Variants in NYAP2 observed in about 807,000 individuals in gnomAD.
The protein encoded by NYAP2 is neuronal tyrosine-phosphorylated phosphoinositide-3-kinase adaptor 2, also known as neuronal tyrosine-phosphorylated phosphoinositide-3-kinase adapter 2.
NYAP2 carries 23 observed loss-of-function variants against 50.4 expected under a neutral mutation model. The ratio of observed to expected loss-of-function variants is 0.46; its 90% CI spans 0.33 to 0.65. The LOEUF is 0.65. Ranked by LOEUF, NYAP2 falls within the 30% of genes least tolerant of loss-of-function variation. The pLI, the probability that NYAP2 is intolerant of heterozygous loss-of-function variation, is 0.02. For missense variants in NYAP2, 885 were observed against 861.0 expected, an observed-to-expected ratio of 1.03 and a Z score of -0.35; for synonymous variants, 394 against 365.2, an observed-to-expected ratio of 1.08 and a Z score of -0.90.
chr2:225,687,485 T>A, the NYAP2 span, among the ~76,000 whole-genome samples: 4 of 152,300 alleles, frequency 2.6e-5, no homozygotes, highest in Admixed American at 2.0e-4. Context: ...ATCAAAAATC[T>A]CAATATATGG....
chr2:225,696,996 C>G, the NYAP2 span, among the ~76,000 whole-genome samples: 10 of 152,040 alleles, frequency 6.6e-5, no homozygotes, highest in South Asian at 2.1e-3. Context: ...AATTATCACC[C>G]TAAAATTGTA....
intron 4 of NYAP2, among the ~76,000 whole-genome samples, chr2:225,560,217 C>A (rs1319369213): frequency 6.6e-6 from 1 of 151,850 alleles, no homozygotes; most frequent in Non-Finnish European, 1.5e-5. Context: ...AAATGTTGAC[C>A]ATTTTTTCTA....
exon 6 of NYAP2, chr2:225,626,964 C>T (rs367965236): frequency 1.7e-4 from 267 of 1,585,986 alleles, no homozygotes; most frequent in Non-Finnish European, 2.2e-4. Flanking sequence ...GGAGCCATTA[C>T]CAAAGTTGGA....
At chr2:225,620,125 A>AGAG (rs1693064355) in intron 5 of NYAP2, among the ~76,000 whole-genome samples, 1 of 152,226 alleles carries the variant, frequency 6.6e-6, no homozygotes, top group African/African-American at 2.4e-5. Context: ...TATGTTACTA[A>AGAG]AATCAATTTT....
rs1553554328 is a variant in NYAP2, at chr2:225,597,512, A to AATTATATATATATATATATATATATATAT, written c.1618+14479_1618+14480insTATATATATATATATATATATATATATAT. Among the ~76,000 whole-genome samples, 94 of 46,240 alleles carry AATTATATATATATATATATATATATATAT rather than the reference A, an allele frequency of 2.0e-3. 2 individuals are homozygous for AATTATATATATATATATATATATATATAT. Among genetic ancestry groups the AATTATATATATATATATATATATATATAT allele is most frequent in the African/African-American group, 5.3e-3 (90 of 17,086 alleles). 30.3% of individuals were successfully genotyped at this position (46,240 alleles called of 152,430 possible). On this transcript the variant is annotated intron_variant, in intron 5 of 6. Transcript: ENST00000636099. ...ATGGCTAAATAGTATTCCAAGGAGA[A>AATTATATATATATATATATATATATATAT]ATATATATATATATATATGTATCAC...
At chr2:225,474,129 GCA>G (rs1690060705) in intron 3 of NYAP2, among the ~76,000 whole-genome samples, 1 of 152,122 alleles carries the variant, frequency 6.6e-6, no homozygotes, top group East Asian at 1.9e-4. Context: ...TAGATGTGTG[GCA>G]TTATTTCTGA....
chr2:225,496,239 C>T (rs60740750), intron 3 of NYAP2, among the ~76,000 whole-genome samples: 3,223 of 152,010 alleles, frequency 0.021, 93 homozygotes, highest in African/African-American at 0.073. Flanking sequence ...ACTGAGGTTA[C>T]AGAGGGAGTG....
chr2:225,466,308 T>A (rs950899481), intron 3 of NYAP2, among the ~76,000 whole-genome samples: 2 of 152,242 alleles, frequency 1.3e-5, no homozygotes, highest in African/African-American at 4.8e-5. Context: ...TTGTTCATTT[T>A]CTGTGGGTGT....
intron 3 of NYAP2, among the ~76,000 whole-genome samples, chr2:225,413,988 A>T (rs1695086638): frequency 1.3e-5 from 2 of 152,298 alleles, no homozygotes; most frequent in African/African-American, 2.4e-5. Context: ...ATTTCGTATG[A>T]TTGACCTTCT....
At chr2:225,405,528 T>C in intron 2 of NYAP2, among the ~76,000 whole-genome samples, 1 of 152,030 alleles carries the variant, frequency 6.6e-6, no homozygotes, top group East Asian at 1.9e-4. Context: ...GGTGTAAATA[T>C]AAATTTCTGA....
Position 225,635,035 on chromosome 2 carries a change from T to C in NYAP2, c.1828+7909T>C, listed in dbSNP as rs114530791. On this transcript the variant is annotated intron_variant, in intron 6 of 6. Transcript: ENST00000636099. ...CTTCTAAAACATATTTCCCGTACTTTACTTGATAACACTGAAATGACTGGC... is the reference window on the plus strand; with the variant it reads ...CTTCTAAAACATATTTCCCGTACTTCACTTGATAACACTGAAATGACTGGC... Among the ~76,000 whole-genome samples, 463 of 152,332 alleles carry C rather than the reference T, an allele frequency of 3.0e-3. 2 individuals are homozygous for C. The highest frequency in any genetic ancestry group is 0.011 in the African/African-American group (448 of 41,578).
intron 3 of NYAP2, among the ~76,000 whole-genome samples, chr2:225,411,171 G>T (rs1695032719): frequency 6.6e-6 from 1 of 152,044 alleles, no homozygotes; most frequent in Admixed American, 6.6e-5. Context: ...AGATAATGTT[G>T]GTTTGCATTG....
the NYAP2 span, among the ~76,000 whole-genome samples, chr2:225,696,435 T>C: frequency 6.6e-6 from 1 of 151,944 alleles, no homozygotes; most frequent in Non-Finnish European, 1.5e-5. Context: ...ACCTTCATTA[T>C]CCTATTTAAA....
chr2:225,701,950 C>T, the NYAP2 span: 1 of 151,604 alleles, frequency 6.6e-6, no homozygotes, highest in Non-Finnish European at 1.5e-5. Flanking sequence ...AAAACTAAAG[C>T]CATTGGGTTA....
At chr2:225,437,965 ATC>A (rs368095590) in intron 3 of NYAP2, among the ~76,000 whole-genome samples, 1 of 151,466 alleles carries the variant, frequency 6.6e-6, no homozygotes, top group Non-Finnish European at 1.5e-5. Flanking sequence ...CCTAACAATG[ATC>A]TCTCTCTCTC....
chr2:225,487,152 C>T (rs1690314392), intron 3 of NYAP2, among the ~76,000 whole-genome samples: 2 of 152,196 alleles, frequency 1.3e-5, no homozygotes, highest in Non-Finnish European at 2.9e-5. Context: ...TTGGCATAGT[C>T]TCTGCTTTGC....
chr2:225,622,553 CTTTCT>C (rs1693131142), intron 5 of NYAP2, among the ~76,000 whole-genome samples: 1 of 40,756 alleles, frequency 2.5e-5, no homozygotes, highest in Non-Finnish European at 4.9e-5. Context: ...TTCTTTCTTT[CTTTCT>C]TTTTCTTTCT....
intron 3 of NYAP2, among the ~76,000 whole-genome samples, chr2:225,422,855 G>A (rs566956041): frequency 6.6e-6 from 1 of 152,162 alleles, no homozygotes; most frequent in East Asian, 1.9e-4. Context: ...AATCGTGAAC[G>A]ATTCTTTTTA....
intron 2 of NYAP2, among the ~76,000 whole-genome samples, chr2:225,404,906 G>C (rs1307780102): frequency 6.6e-6 from 1 of 151,988 alleles, no homozygotes; most frequent in African/African-American, 2.4e-5. Context: ...GAAATCCGAT[G>C]TTGGTGATTT....
Sources: allele counts gnomAD v4.1 joint callset (sites outside exome capture counted in the v4.1 genomes callset), GRCh38; gene constraint gnomAD v4.1.1; transcripts MANE v1.5; gene names NCBI Gene and HGNC (gene_info 2026-07-23, HGNC 2026-07-21).